ARHGAP26: variants seen among roughly 807,000 people sequenced by gnomAD.
The protein encoded by ARHGAP26 is rho GTPase-activating protein 26.
Under a neutral mutation model 104.8 loss-of-function variants are expected in ARHGAP26, and 38 were observed. The ratio of observed to expected loss-of-function variants is 0.36; its 90% CI spans 0.28 to 0.48. ARHGAP26 has a LOEUF of 0.48. Ranked by LOEUF, ARHGAP26 falls within the 20% of genes least tolerant of loss-of-function variation. The probability of loss-of-function intolerance (pLI) is 0.99; values close to 1 mark genes in which losing one functional copy is unlikely to be tolerated. For synonymous variants in ARHGAP26, 341 were observed against 340.0 expected (o/e 1.00, Z -0.03); for missense variants, 704 against 947.9 (o/e 0.74, Z 3.38).
intron 11 of ARHGAP26, among the ~76,000 whole-genome samples, chr5:142,974,478 G>A (rs1431885605): frequency 2.0e-5 from 3 of 152,114 alleles, no homozygotes; most frequent in African/African-American, 7.2e-5. Flanking sequence ...GGGAATAGAT[G>A]AATTCATATA....
chr5:142,943,978 C>A (rs1008568259), intron 11 of ARHGAP26, among the ~76,000 whole-genome samples: 34 of 152,128 alleles, frequency 2.2e-4, no homozygotes, highest in Non-Finnish European at 3.5e-4. Flanking sequence ...TGTTATTAAA[C>A]AAAAATCCTA....
chr5:143,191,126 A>C (rs1020736929), intron 20 of ARHGAP26, among the ~76,000 whole-genome samples: 8 of 152,270 alleles, frequency 5.3e-5, no homozygotes, highest in African/African-American at 1.7e-4. Context: ...GCACAGCTCC[A>C]TCAGTATTCT....
intron 1 of ARHGAP26, among the ~76,000 whole-genome samples, chr5:142,773,547 A>T (rs575705977): frequency 6.6e-6 from 1 of 152,212 alleles, no homozygotes; most frequent in Non-Finnish European, 1.5e-5. Flanking sequence ...TAGATCCCGT[A>T]AAGGAGAAAC....
chr5:142,894,694 C>T (rs1240343035), intron 6 of ARHGAP26, among the ~76,000 whole-genome samples: 1 of 152,218 alleles, frequency 6.6e-6, no homozygotes, highest in South Asian at 2.1e-4. Flanking sequence ...CTTAACTTCC[C>T]TCCTCTCTCC....
intron 17 of ARHGAP26, among the ~76,000 whole-genome samples, chr5:143,092,657 T>TA (rs1321756918): frequency 1.3e-5 from 2 of 152,024 alleles, no homozygotes; most frequent in African/African-American, 4.8e-5. Flanking sequence ...GTTAGGATAA[T>TA]ACATGTTACA....
At chr5:142,822,942 G>A (rs1440086986) in intron 1 of ARHGAP26, among the ~76,000 whole-genome samples, 5 of 152,230 alleles carry the variant, frequency 3.3e-5, no homozygotes, top group African/African-American at 1.2e-4. Context: ...ATCAATAACT[G>A]TGCTGGTTTA....
chr5:142,987,502 G>A (rs1260352869), intron 11 of ARHGAP26, among the ~76,000 whole-genome samples: 1 of 151,372 alleles, frequency 6.6e-6, no homozygotes, highest in East Asian at 2.0e-4. Context: ...TCTCCTGCCT[G>A]ATTGCCCTGG....
At chr5:142,979,494 A>G (rs1370567742) in intron 11 of ARHGAP26, among the ~76,000 whole-genome samples, 2 of 152,206 alleles carry the variant, frequency 1.3e-5, no homozygotes, top group Admixed American at 6.5e-5. Context: ...TCAATGTTTC[A>G]CTTGGGATCT....
chr5:142,943,663 A>G (rs1314196453), intron 11 of ARHGAP26, among the ~76,000 whole-genome samples: 1 of 152,228 alleles, frequency 6.6e-6, no homozygotes, highest in Non-Finnish European at 1.5e-5. Context: ...CTTTAAGGAT[A>G]TTTAGAAATC....
intron 9 of ARHGAP26, chr5:142,908,763 A>C: frequency 6.0e-6 from 1 of 167,152 alleles, no homozygotes; most frequent in Non-Finnish European, 1.5e-5. Flanking sequence ...ATATGTAGCT[A>C]TCTTTGGAAG....
intron 18 of ARHGAP26, among the ~76,000 whole-genome samples, chr5:143,129,573 C>T (rs1252600978): frequency 1.3e-5 from 2 of 152,186 alleles, no homozygotes; most frequent in Non-Finnish European, 2.9e-5. Flanking sequence ...CCATCTAGGT[C>T]CCAGTCCAGC....
chr5:143,134,842 A>C lies in ARHGAP26; in HGVS notation c.1837+737A>C, dbSNP rs77226084. On this transcript the variant is annotated intron_variant, in intron 19 of 22. Coordinates refer to ENST00000645722, the MANE Select transcript of ARHGAP26 (RefSeq NM_001135608.3). ...GACCCACTCATAGGAAGTTATGCGA[A>C]TTAAATGAAATTATGCATTTCAGCA... is the stretch of plus-strand genomic sequence containing the variant. Among the ~76,000 whole-genome samples, 848 of 152,368 alleles carry C rather than the reference A, an allele frequency of 5.6e-3. 4 individuals carry two copies. Among genetic ancestry groups the C allele is most frequent in the Non-Finnish European group, 8.9e-3 (605 of 68,030 alleles).
intron 1 of ARHGAP26, chr5:142,771,134 A>G: frequency 7.6e-7 from 1 of 1,320,184 alleles, no homozygotes; most frequent in African/African-American, 1.5e-5. Context: ...GCGTTCAGGG[A>G]TGGTCGGGAG....
chr5:143,134,313 T>G (rs1442941652), intron 19 of ARHGAP26, among the ~76,000 whole-genome samples: 1 of 152,222 alleles, frequency 6.6e-6, no homozygotes, highest in African/African-American at 2.4e-5. Context: ...AGAGAAGGGC[T>G]GCCATTGAGG....
chr5:143,059,719 A>G (rs936222737), intron 17 of ARHGAP26, among the ~76,000 whole-genome samples: 2 of 152,218 alleles, frequency 1.3e-5, no homozygotes, highest in Non-Finnish European at 2.9e-5. Context: ...TGTTTACTTC[A>G]TAGCATTTCT....
intron 17 of ARHGAP26, among the ~76,000 whole-genome samples, chr5:143,062,003 G>A (rs747882495): frequency 6.6e-5 from 10 of 152,212 alleles, no homozygotes; most frequent in Non-Finnish European, 1.3e-4. Flanking sequence ...AGATTTATCT[G>A]AGCCACTTGT....
intron 18 of ARHGAP26, among the ~76,000 whole-genome samples, chr5:143,127,073 T>C (rs1796809979): frequency 6.6e-6 from 1 of 152,240 alleles, no homozygotes; most frequent in African/African-American, 2.4e-5. Context: ...CTTTACTTAG[T>C]GTTTTAAACG....
chr5:142,863,675 T>G (rs1243355607), intron 1 of ARHGAP26, among the ~76,000 whole-genome samples: 1 of 152,146 alleles, frequency 6.6e-6, no homozygotes, highest in Non-Finnish European at 1.5e-5. Flanking sequence ...TCCAAACCCT[T>G]GCCTTGGAGG....
At chr5:142,886,938 G>A (rs2152409151) in intron 5 of ARHGAP26, among the ~76,000 whole-genome samples, 1 of 152,322 alleles carries the variant, frequency 6.6e-6, no homozygotes, top group South Asian at 2.1e-4. Flanking sequence ...TTTTGGCTGT[G>A]CTTCACAGTG....
Sources: gnomAD v4.1 joint callset for allele counts (sites outside exome capture counted in the v4.1 genomes callset) on GRCh38, gnomAD v4.1.1 for gene constraint, MANE v1.5 for transcripts, NCBI Gene and HGNC (gene_info 2026-07-23, HGNC 2026-07-21) for gene names.